PLCH1: variants seen among roughly 807,000 people sequenced by gnomAD.
The protein encoded by PLCH1 is 1-phosphatidylinositol 4,5-bisphosphate phosphodiesterase eta-1.
Under a neutral mutation model 126.7 loss-of-function variants are expected in PLCH1, and 60 were observed. The ratio of observed to expected loss-of-function variants is 0.47; its 90% CI spans 0.38 to 0.59. PLCH1 has a LOEUF of 0.59. Among genes scored for constraint, PLCH1 ranks in the 20% least tolerant of loss-of-function variants. PLCH1 has a pLI of 0.00. For synonymous variants in PLCH1, 719 were observed against 734.9 expected (o/e 0.98, Z 0.35); for missense variants, 1,723 against 2,040.0 (o/e 0.84, Z 2.99).
chr3:155,484,041 CTG>C (rs1329729942), intron 22 of PLCH1, among the ~76,000 whole-genome samples: 1 of 152,062 alleles, frequency 6.6e-6, no homozygotes, highest in Non-Finnish European at 1.5e-5. Context: ...GAGACAGCCA[CTG>C]TAAGATTTTG....
chr3:155,598,349 C>T (rs1363450673), intron 2 of PLCH1, among the ~76,000 whole-genome samples: 22 of 152,200 alleles, frequency 1.4e-4, no homozygotes, highest in Admixed American at 1.4e-3. Context: ...TTGACAGCCA[C>T]ATTAACCATC....
intron 1 of PLCH1, among the ~76,000 whole-genome samples, chr3:155,705,426 C>G (rs552218520): frequency 6.6e-6 from 1 of 152,124 alleles, no homozygotes; most frequent in Non-Finnish European, 1.5e-5. Flanking sequence ...CCTGGCTAAT[C>G]TGACTGCTTA....
At chr3:155,506,716 T>C (rs1369577072) in intron 12 of PLCH1, among the ~76,000 whole-genome samples, 82 of 147,660 alleles carry the variant, frequency 5.6e-4, no homozygotes, top group Admixed American at 1.6e-3. Flanking sequence ...TATTCCATGG[T>C]GTATATGTGC....
At chr3:155,574,595 G>C (rs1729686826) in intron 6 of PLCH1, among the ~76,000 whole-genome samples, 1 of 152,182 alleles carries the variant, frequency 6.6e-6, no homozygotes, top group African/African-American at 2.4e-5. Flanking sequence ...TCAAGAGGGA[G>C]TGAAGAAACA....
intron 10 of PLCH1, 53 bp downstream of exon 10, chr3:155,549,734 G>T: frequency 1.6e-6 from 2 of 1,235,196 alleles, no homozygotes; most frequent in South Asian, 1.3e-5. Flanking sequence ...TTTAAGGGAG[G>T]GCAGGCTTAG....
In PLCH1 at chr3:155,481,680, G is replaced by A. The variant is rs1714079288; in HGVS notation, c.4346C>T (p.Thr1449Ile). The change falls in exon 23 of 23, where the codon ACC (threonine) becomes ATC (isoleucine). Residue 1449 changes from threonine (T) to isoleucine (I), a missense_variant. By Grantham distance (89) the Thr-to-Ile change is moderately conservative. Around this residue, in one of 2 missense-constraint regions of PLCH1, gnomAD observed 947 missense variants for 977.1 expected, o/e 0.97. Coordinates refer to ENST00000460012, the MANE Select transcript of PLCH1 (RefSeq NM_014996.4). The surrounding 1 kb of genome is among the most constrained non-coding windows in gnomAD (Gnocchi z 4.2). Reference sequence around the variant, plus strand: ...AGCACTAGATTGCTGGGGCACACAGGTCTGGAACATTTTTGCATCTGAATC... The same window carrying A: ...AGCACTAGATTGCTGGGGCACACAGATCTGGAACATTTTTGCATCTGAATC... ...FSDSDAKMFQ[T>I]CVPQQSSAQD... 10 of 1,614,132 alleles carry A rather than the reference G, an allele frequency of 6.2e-6. No individual in the cohort carries two copies. In the East Asian group the frequency reaches 2.2e-4, roughly 36 times the overall value.
At chr3:155,519,140 TG>T (rs1359350557) in intron 11 of PLCH1, among the ~76,000 whole-genome samples, 1 of 152,188 alleles carries the variant, frequency 6.6e-6, no homozygotes, top group Non-Finnish European at 1.5e-5. Context: ...CATTCAGCCC[TG>T]GAATCCAATA....
At chr3:155,494,049 C>G in intron 17 of PLCH1, 92 bp downstream of exon 17, 1 of 1,007,168 alleles carries the variant, frequency 9.9e-7, no homozygotes, top group South Asian at 1.3e-5. Context: ...GGGTATCACA[C>G]TTTCTAAACA....
At chr3:155,675,962 TAC>T in intron 2 of PLCH1, 1 of 1,173,728 alleles carries the variant, frequency 8.5e-7, no homozygotes, top group Non-Finnish European at 1.2e-6. Context: ...CTAGGACTAT[TAC>T]ACTTACCTTA....
chr3:155,660,724 T>C (rs1208595133), intron 2 of PLCH1, among the ~76,000 whole-genome samples: 1 of 152,198 alleles, frequency 6.6e-6, no homozygotes, highest in Non-Finnish European at 1.5e-5. Flanking sequence ...TCATCTTCTG[T>C]GCATTGGGAT....
At chr3:155,521,606 A>C (rs1221407862) in intron 11 of PLCH1, among the ~76,000 whole-genome samples, 1 of 152,216 alleles carries the variant, frequency 6.6e-6, no homozygotes, top group African/African-American at 2.4e-5. Flanking sequence ...CCTCTTTTGC[A>C]GAAATATGAT....
intron 2 of PLCH1, among the ~76,000 whole-genome samples, chr3:155,667,902 TTAAAAAAAAAA>T (rs1190640524): frequency 1.1e-5 from 1 of 95,156 alleles, no homozygotes; most frequent in African/African-American, 5.4e-5. Flanking sequence ...CCATCTCTAC[TTAAAAAAAAAA>T]AAAAAAAAAA....
chr3:155,501,746 G>A (rs1255294248), intron 13 of PLCH1, among the ~76,000 whole-genome samples: 3 of 151,270 alleles, frequency 2.0e-5, no homozygotes, highest in African/African-American at 7.3e-5. Context: ...AGCGAGCCGA[G>A]ATCCCACCAT....
At chr3:155,701,251 G>GC in intron 2 of PLCH1, among the ~76,000 whole-genome samples, 1 of 152,088 alleles carries the variant, frequency 6.6e-6, no homozygotes, top group South Asian at 2.1e-4. Context: ...GGGATTGTGG[G>GC]TAATATTCTA....
intron 10 of PLCH1, among the ~76,000 whole-genome samples, chr3:155,525,590 G>C (rs1354225266): frequency 1.3e-5 from 2 of 152,154 alleles, no homozygotes; most frequent in African/African-American, 4.8e-5. Context: ...ATTCACCTAA[G>C]CAGGTTACAT....
At chr3:155,711,104 G>T (rs996619433) in intron 1 of PLCH1, among the ~76,000 whole-genome samples, 1 of 150,602 alleles carries the variant, frequency 6.6e-6, no homozygotes, top group Non-Finnish European at 1.5e-5. Flanking sequence ...ATTTGAAAAA[G>T]AAATTTTAAT....
chr3:155,515,268 C>A (rs1273118107), intron 11 of PLCH1, among the ~76,000 whole-genome samples: 2 of 152,194 alleles, frequency 1.3e-5, no homozygotes, highest in African/African-American at 4.8e-5. Context: ...CTCCAAAGCC[C>A]TTCCCCCTAT....
At chr3:155,522,642 T>A (rs151082554) in intron 11 of PLCH1, among the ~76,000 whole-genome samples, 1 of 152,010 alleles carries the variant, frequency 6.6e-6, no homozygotes, top group East Asian at 1.9e-4. Context: ...TGGACTGTTG[T>A]TAACAATGTA....
chr3:155,670,476 C>T (rs999907844), intron 2 of PLCH1, among the ~76,000 whole-genome samples: 2 of 152,264 alleles, frequency 1.3e-5, no homozygotes, highest in Non-Finnish European at 1.5e-5. Context: ...ATTCTTTAAA[C>T]AGATCGATAG....
Sources: gnomAD v4.1 joint callset for allele counts (sites outside exome capture counted in the v4.1 genomes callset) on GRCh38, gnomAD v4.1.1 for gene constraint, gnomAD v4.1.1 regional missense constraint, Gnocchi (gnomAD v3.1) non-coding constraint, MANE v1.5 for transcripts, NCBI Gene and HGNC (gene_info 2026-07-23, HGNC 2026-07-21) for gene names.